C12orf54: variants seen among roughly 807,000 people sequenced by gnomAD.
C12orf54 encodes the protein uncharacterized protein C12orf54.
C12orf54 carries 24 observed loss-of-function variants against 26.4 expected under a neutral mutation model. That is an observed-to-expected ratio of 0.91 (90% confidence interval 0.66 to 1.28). The LOEUF is 1.28. Ranked by LOEUF, C12orf54 falls within the 50% of genes most tolerant of loss-of-function variation. The pLI, the probability that C12orf54 is intolerant of heterozygous loss-of-function variation, is 0.00. For synonymous variants in C12orf54, 54 were observed against 47.0 expected (o/e 1.15, Z -0.61); for missense variants, 154 against 150.9 (o/e 1.02, Z -0.11).
chr12:48,446,937 G>C, the C12orf54 span, among the ~76,000 whole-genome samples: 17 of 152,146 alleles, frequency 1.1e-4, no homozygotes, highest in Admixed American at 9.8e-4. Context: ...AGATAGGTAA[G>C]AAGAAAATAA....
chr12:48,474,747 G>C, the C12orf54 span, among the ~76,000 whole-genome samples: 1 of 152,260 alleles, frequency 6.6e-6, no homozygotes, highest in African/African-American at 2.4e-5. Context: ...AAAGCAGCCG[G>C]GAAGCACGAA....
At chr12:48,476,204 T>G in the C12orf54 span, among the ~76,000 whole-genome samples, 22,203 of 151,838 alleles carry the variant, frequency 0.15, 2,746 homozygotes, top group East Asian at 0.65. Flanking sequence ...CTGAGAGATT[T>G]TGTCACCACC....
At chr12:48,428,644 C>G in the C12orf54 span, among the ~76,000 whole-genome samples, 1 of 151,974 alleles carries the variant, frequency 6.6e-6, no homozygotes, top group Non-Finnish European at 1.5e-5. Flanking sequence ...CTAAACAGAC[C>G]AATAACAAGC....
At chr12:48,475,214 G>A in the C12orf54 span, among the ~76,000 whole-genome samples, 1 of 152,038 alleles carries the variant, frequency 6.6e-6, no homozygotes, top group Non-Finnish European at 1.5e-5. Context: ...AACTAACAAA[G>A]AGAAAGGACA....
chr12:48,461,826 G>A, the C12orf54 span, among the ~76,000 whole-genome samples: 1 of 151,696 alleles, frequency 6.6e-6, no homozygotes, highest in South Asian at 2.1e-4. Flanking sequence ...ACTGTAAGAA[G>A]CTAGCAAATT....
At chr12:48,440,767 C>T in the C12orf54 span, among the ~76,000 whole-genome samples, 3 of 152,214 alleles carry the variant, frequency 2.0e-5, no homozygotes, top group African/African-American at 7.2e-5. Flanking sequence ...TTTCACAGAT[C>T]CCAATTGTCC....
chr12:48,416,643 C>T, the C12orf54 span, among the ~76,000 whole-genome samples: 1 of 152,124 alleles, frequency 6.6e-6, no homozygotes, highest in Non-Finnish European at 1.5e-5. Context: ...AGGTGGGTCA[C>T]CTGAGGTCAA....
chr12:48,440,460 A>G, the C12orf54 span, among the ~76,000 whole-genome samples: 4 of 152,194 alleles, frequency 2.6e-5, no homozygotes, highest in African/African-American at 7.2e-5. Flanking sequence ...ATTGTGTTTC[A>G]TCATCTAAAG....
At chr12:48,471,647 A>G in the C12orf54 span, among the ~76,000 whole-genome samples, 1 of 152,130 alleles carries the variant, frequency 6.6e-6, no homozygotes, top group Non-Finnish European at 1.5e-5. Flanking sequence ...AAGATCAGAT[A>G]TTTTTAAGTG....
At chr12:48,427,996 C>T in the C12orf54 span, among the ~76,000 whole-genome samples, 1 of 151,918 alleles carries the variant, frequency 6.6e-6, no homozygotes, top group Non-Finnish European at 1.5e-5. Flanking sequence ...TGGAATAAAA[C>T]CAGAAATCAA....
the C12orf54 span, among the ~76,000 whole-genome samples, chr12:48,472,261 C>T: frequency 1.3e-5 from 2 of 152,076 alleles, no homozygotes; most frequent in South Asian, 2.1e-4. Flanking sequence ...TTAGGGTTTT[C>T]TGCATTTTAA....
At chr12:48,429,196 C>A in the C12orf54 span, among the ~76,000 whole-genome samples, 1,112 of 152,164 alleles carry the variant, frequency 7.3e-3, 19 homozygotes, top group African/African-American at 0.026. Context: ...CTATGAAAAA[C>A]CCACAGCCAA....
chr12:48,458,084 T>C, the C12orf54 span, among the ~76,000 whole-genome samples: 1 of 152,206 alleles, frequency 6.6e-6, no homozygotes, highest in Admixed American at 6.5e-5. Flanking sequence ...TTGAAGAAAC[T>C]GGCCAGAGGC....
At chr12:48,490,882 G>T in intron 6 of C12orf54, 46 bp downstream of exon 6, 1 of 1,599,420 alleles carries the variant, frequency 6.3e-7, no homozygotes, top group Non-Finnish European at 8.6e-7. Context: ...ACAAGGGAGG[G>T]GATTTGGAAT....
intron 6 of C12orf54, among the ~76,000 whole-genome samples, chr12:48,491,563 T>C (rs1937791066): frequency 6.6e-6 from 1 of 152,144 alleles, no homozygotes; most frequent in African/African-American, 2.4e-5. Context: ...TAGATATGAT[T>C]CTTGTCTGTA....
chr12:48,494,842 G>C lies in C12orf54; in HGVS notation c.287G>C (p.Arg96Thr). ...TCCTTGATGACCCCAAAGTTGAGAA[G>C]ATTGCAGTTCAGCTCTGGAGAGCAG... Reference protein sequence around the residue: ...PDSLMTPKLRRLQFSSGEQPS... With the variant: ...PDSLMTPKLRTLQFSSGEQPS... The change falls in exon 8 of 9, where the codon AGA becomes ACA. Residue 96 changes from arginine (R) to threonine (T), a missense_variant. By Grantham distance (71) the Arg-to-Thr change is moderately conservative. Transcript: ENST00000548364. 1 of 1,613,870 alleles carries C rather than the reference G, an allele frequency of 6.2e-7. No homozygotes were observed. Among genetic ancestry groups the C allele is most frequent in the Non-Finnish European group, 8.5e-7 (1 of 1,179,738 alleles).
intron 8 of C12orf54, chr12:48,495,444 CT>C (rs990916546): frequency 3.3e-5 from 5 of 152,788 alleles, no homozygotes; most frequent in African/African-American, 1.2e-4. Flanking sequence ...CCTTTATAGA[CT>C]CCCTTGTCTG....
chr12:48,444,969 G>A, the C12orf54 span, among the ~76,000 whole-genome samples: 1 of 152,146 alleles, frequency 6.6e-6, no homozygotes, highest in African/African-American at 2.4e-5. Flanking sequence ...TCAGGAGATG[G>A]AGACCATCCT....
the C12orf54 span, among the ~76,000 whole-genome samples, chr12:48,466,891 C>A: frequency 6.6e-6 from 1 of 152,066 alleles, no homozygotes; most frequent in South Asian, 2.1e-4. Flanking sequence ...ATGTTCATAG[C>A]CACTTTATTT....
Sources: allele counts gnomAD v4.1 joint callset (sites outside exome capture counted in the v4.1 genomes callset), GRCh38; gene constraint gnomAD v4.1.1; transcripts MANE v1.5; gene names NCBI Gene and HGNC (gene_info 2026-07-23, HGNC 2026-07-21).